NDUFS4: variants seen among roughly 807,000 people sequenced by gnomAD.
NDUFS4 encodes the protein NADH dehydrogenase [ubiquinone] iron-sulfur protein 4, mitochondrial.
Under a neutral mutation model 24.3 loss-of-function variants are expected in NDUFS4, and 28 were observed. The ratio of observed to expected loss-of-function variants is 1.15; its 90% CI spans 0.85 to 1.58. The LOEUF (loss-of-function observed/expected upper bound fraction) is 1.58. NDUFS4 is among the 40% of genes most tolerant of loss of function. The pLI is 0.00. For synonymous variants in NDUFS4, 93 were observed against 69.7 expected (o/e 1.34, Z -1.67); for missense variants, 223 against 207.9 (o/e 1.07, Z -0.45).
chr5:53,631,029 C>T (rs539865901), intron 2 of NDUFS4, among the ~76,000 whole-genome samples: 3 of 152,234 alleles, frequency 2.0e-5, no homozygotes, highest in East Asian at 1.9e-4. Flanking sequence ...TTTCTACCTT[C>T]GGTCTTTGAT....
At chr5:53,607,369 A>T (rs1388761506) in intron 2 of NDUFS4, among the ~76,000 whole-genome samples, 1 of 152,204 alleles carries the variant, frequency 6.6e-6, no homozygotes, top group Non-Finnish European at 1.5e-5. Flanking sequence ...TATGCTCAAT[A>T]CTTGGTTGAT....
intron 4 of NDUFS4, among the ~76,000 whole-genome samples, chr5:53,679,958 T>C (rs1180781937): frequency 2.0e-5 from 3 of 152,160 alleles, no homozygotes; most frequent in Non-Finnish European, 4.4e-5. Context: ...GGGGAACATA[T>C]ATTTATTTTA....
chr5:53,563,478 C>CA (rs937711541), intron 1 of NDUFS4, among the ~76,000 whole-genome samples: 1 of 148,268 alleles, frequency 6.7e-6, no homozygotes, highest in East Asian at 2.0e-4. Flanking sequence ...TGTGAGGAGG[C>CA]AAAAAAAGGG....
At chr5:53,611,682 C>T (rs1750703610) in intron 2 of NDUFS4, among the ~76,000 whole-genome samples, 1 of 151,930 alleles carries the variant, frequency 6.6e-6, no homozygotes, top group African/African-American at 2.4e-5. Context: ...GTTTGCTTGG[C>T]CCTTGGTTTT....
chr5:53,673,375 C>T (rs1424085122), intron 4 of NDUFS4, among the ~76,000 whole-genome samples: 3 of 152,004 alleles, frequency 2.0e-5, no homozygotes, highest in Admixed American at 6.5e-5. Context: ...ATTCTAGGTG[C>T]AATGATATCC....
chr5:53,581,886 C>T (rs978896024), intron 1 of NDUFS4, among the ~76,000 whole-genome samples: 2 of 152,098 alleles, frequency 1.3e-5, no homozygotes, highest in African/African-American at 4.8e-5. Context: ...TAAATAAAGG[C>T]CCAAGCATTT....
chr5:53,655,212 A>G (rs1478672419), intron 3 of NDUFS4, among the ~76,000 whole-genome samples: 3 of 152,206 alleles, frequency 2.0e-5, no homozygotes, highest in Non-Finnish European at 4.4e-5. Flanking sequence ...AATTTTTACA[A>G]CCGGAACACA....
At chr5:53,630,992 A>C (rs1751393811) in intron 2 of NDUFS4, among the ~76,000 whole-genome samples, 1 of 152,050 alleles carries the variant, frequency 6.6e-6, no homozygotes, top group South Asian at 2.1e-4. Flanking sequence ...CCCTTTATGC[A>C]CTGGTTTCTC....
intron 2 of NDUFS4, among the ~76,000 whole-genome samples, chr5:53,631,892 C>T (rs1053556987): frequency 1.8e-4 from 28 of 152,186 alleles, no homozygotes; most frequent in Admixed American, 1.6e-3. Context: ...TGGGAAAAAG[C>T]ACAGTATCTG....
intron 1 of NDUFS4, among the ~76,000 whole-genome samples, chr5:53,603,055 T>A (rs1298835134): frequency 2.6e-5 from 4 of 152,206 alleles, no homozygotes; most frequent in Non-Finnish European, 4.4e-5. Flanking sequence ...ATTGGGATTT[T>A]TTTCTTTTCG....
chr5:53,607,568 G>A (rs1018504125), intron 2 of NDUFS4, among the ~76,000 whole-genome samples: 3 of 152,106 alleles, frequency 2.0e-5, no homozygotes, highest in Non-Finnish European at 2.9e-5. Context: ...ATATATTAAC[G>A]TTTGGAATAT....
chr5:53,682,298 A>G (rs1395861562), intron 4 of NDUFS4, among the ~76,000 whole-genome samples: 1 of 152,138 alleles, frequency 6.6e-6, no homozygotes, highest in Non-Finnish European at 1.5e-5. Flanking sequence ...TCAGAATTAC[A>G]AAATGCTGAA....
intron 4 of NDUFS4, among the ~76,000 whole-genome samples, chr5:53,677,344 A>G (rs1740508094): frequency 6.6e-6 from 1 of 152,130 alleles, no homozygotes; most frequent in South Asian, 2.1e-4. Context: ...TCTAACAAAT[A>G]TTTCAGGTGC....
chr5:53,648,511 A>G (rs1751926012), intron 3 of NDUFS4, among the ~76,000 whole-genome samples: 1 of 152,228 alleles, frequency 6.6e-6, no homozygotes, highest in African/African-American at 2.4e-5. Flanking sequence ...TCTAGCTTCA[A>G]AGAATAAATA....
intron 3 of NDUFS4, among the ~76,000 whole-genome samples, chr5:53,655,557 G>A (rs1752136866): frequency 6.6e-6 from 1 of 151,686 alleles, no homozygotes. Context: ...ATCTTTTAGT[G>A]GATATGTGGC....
intron 1 of NDUFS4, among the ~76,000 whole-genome samples, chr5:53,591,695 A>C (rs996197209): frequency 6.6e-6 from 1 of 152,214 alleles, no homozygotes; most frequent in Non-Finnish European, 1.5e-5. Flanking sequence ...CATTCCCACC[A>C]GCGATGAATG....
chr5:53,617,274 C>A (rs530481651), intron 2 of NDUFS4, among the ~76,000 whole-genome samples: 4 of 152,230 alleles, frequency 2.6e-5, no homozygotes, highest in African/African-American at 7.2e-5. Context: ...TCCTTTCCCC[C>A]CTCTTACTCT....
chr5:53,578,303 T>G (rs1749451212), intron 1 of NDUFS4, among the ~76,000 whole-genome samples: 3 of 152,226 alleles, frequency 2.0e-5, no homozygotes, highest in Non-Finnish European at 4.4e-5. Flanking sequence ...GGTTCTAGAT[T>G]TAGTTTTTTG....
chr5:53,623,737 T>C (rs1751129147), intron 2 of NDUFS4, among the ~76,000 whole-genome samples: 1 of 67,940 alleles, frequency 1.5e-5, no homozygotes, highest in African/African-American at 6.7e-5. Context: ...TTGTTTGTTT[T>C]GAGACGGAAT....
Sources: allele counts gnomAD v4.1 joint callset (sites outside exome capture counted in the v4.1 genomes callset), GRCh38; gene constraint gnomAD v4.1.1; transcripts MANE v1.5; gene names NCBI Gene and HGNC (gene_info 2026-07-23, HGNC 2026-07-21).